Variants in RTTN observed in about 807,000 individuals in gnomAD.
RTTN encodes rotatin.
A neutral mutation model predicts 269.2 loss-of-function variants in RTTN; 182 were observed. The observed-to-expected ratio is 0.68, with a 90% CI of 0.60 to 0.76. The LOEUF is 0.76. RTTN is among the 30% of genes least tolerant of loss of function. The pLI is 0.00. For synonymous variants in RTTN, 1,006 were observed against 963.5 expected (o/e 1.04, Z -0.82); for missense variants, 2,545 against 2,608.6 (o/e 0.98, Z 0.53).
chr18:70,005,428 A>AAT (rs2056154339), intron 47 of RTTN, 161 bp from the exon 48 acceptor site: 7 of 478,910 alleles, frequency 1.5e-5, no homozygotes, highest in Non-Finnish European at 2.6e-5. Flanking sequence ...CTATTGAGCC[A>AAT]ATCCCCTTGC....
At chr18:70,040,923 A>G (rs1223528801) in intron 40 of RTTN, among the ~76,000 whole-genome samples, 1 of 152,242 alleles carries the variant, frequency 6.6e-6, no homozygotes, top group Non-Finnish European at 1.5e-5. Context: ...ATTTCTTGAA[A>G]CAAATGATAA....
chr18:70,053,152 A>G (rs1225659471), intron 38 of RTTN: 1 of 152,236 alleles, frequency 6.6e-6, no homozygotes, highest in South Asian at 2.1e-4. Flanking sequence ...CATCTTGTGT[A>G]TCTTCCATGA....
chr18:70,147,982 G>A (rs956200050), intron 17 of RTTN, among the ~76,000 whole-genome samples: 1 of 151,990 alleles, frequency 6.6e-6, no homozygotes, highest in Non-Finnish European at 1.5e-5. Context: ...CTTCTTCCTG[G>A]ATCACCCATA....
intron 16 of RTTN, 46 bp from the exon 17 acceptor site, chr18:70,149,083 A>G (rs1172788269): frequency 3.9e-6 from 6 of 1,543,692 alleles, no homozygotes; most frequent in Non-Finnish European, 5.3e-6. Flanking sequence ...AATTGTATAC[A>G]TAACTTTTCA....
rs528179205 is a variant in RTTN, at chr18:70,140,055, T to A, written c.2670+45A>T. The stretch of plus-strand genomic sequence containing the variant: ...TCAGTTCAATTTCAGATCTGATTAA[T>A]CAAAACAGCCTGTAAAACAATGTCT... On this transcript the variant is annotated intron_variant, in intron 20 of 48. Transcript: ENST00000640769. The A allele has an allele frequency of 7.7e-6, 10 of 1,304,370 alleles. No homozygotes were observed. In the African/African-American group the frequency reaches 1.5e-4, roughly 19 times the overall value. 80.8% of individuals were successfully genotyped at this position (1,304,370 alleles called of 1,614,324 possible). A position where few individuals can be genotyped will look rare whatever the true frequency, so the allele number is the denominator to read the frequency against.
chr18:70,114,626 T>C, intron 26 of RTTN, 27 bp from the exon 27 acceptor site: 1 of 1,600,380 alleles, frequency 6.2e-7, no homozygotes, highest in Non-Finnish European at 8.5e-7. Flanking sequence ...GTAAAAAATG[T>C]ATTTACTAAT....
chr18:70,141,598 G>C (rs2060258305), intron 19 of RTTN, among the ~76,000 whole-genome samples: 1 of 152,004 alleles, frequency 6.6e-6, no homozygotes, highest in African/African-American at 2.4e-5. Context: ...ACAGGGCGGG[G>C]AACATCACAC....
intron 40 of RTTN, among the ~76,000 whole-genome samples, chr18:70,034,202 A>T (rs1267609081): frequency 1.3e-5 from 2 of 152,218 alleles, no homozygotes; most frequent in Non-Finnish European, 1.5e-5. Flanking sequence ...TCCTCAATTC[A>T]TTCTATGAGG....
chr18:70,153,196 A>G (rs2060584356), intron 14 of RTTN, among the ~76,000 whole-genome samples: 1 of 152,054 alleles, frequency 6.6e-6, no homozygotes, highest in African/African-American at 2.4e-5. Flanking sequence ...TATTTTATTT[A>G]AAACACTATA....
intron 23 of RTTN, among the ~76,000 whole-genome samples, chr18:70,133,617 G>C (rs202140611): frequency 1.3e-5 from 2 of 151,948 alleles, no homozygotes; most frequent in Non-Finnish European, 2.9e-5. Context: ...TGAGCAAAAA[G>C]CAATATAATA....
At chr18:70,125,782 T>C (rs2059849221) in intron 25 of RTTN, among the ~76,000 whole-genome samples, 1 of 152,040 alleles carries the variant, frequency 6.6e-6, no homozygotes, top group Non-Finnish European at 1.5e-5. Context: ...AAAAAGATAA[T>C]GTTCCTTTCT....
intron 18 of RTTN, 107 bp downstream of exon 18, chr18:70,145,505 T>C: frequency 1.3e-6 from 1 of 777,936 alleles, no homozygotes; most frequent in South Asian, 2.4e-5. Flanking sequence ...TCCCCATACT[T>C]CTCTCCCTCC....
intron 32 of RTTN, among the ~76,000 whole-genome samples, chr18:70,083,661 G>A (rs1300514777): frequency 2.0e-5 from 3 of 151,964 alleles, no homozygotes; most frequent in Non-Finnish European, 2.9e-5. Context: ...TATCTTGTCC[G>A]AGAAAAGATT....
rs1392379439 is a variant in RTTN, at chr18:70,166,783, C to G, written c.1802+136G>C. ...AGCTGTACATATACCCTTTAAAAAT[C>G]AGACACATATAAAAGCAATTAAACT... On this transcript the variant is annotated intron_variant, in intron 13 of 48. Transcript: ENST00000640769. 4.9e-6 allele frequency: 3 copies of G among 606,240 alleles called. No individual in the cohort carries two copies. The African/African-American group carries it at 5.6e-5, about 11-fold the overall frequency. 37.6% of individuals were successfully genotyped at this position (606,240 alleles called of 1,614,324 possible).
chr18:70,048,111 G>A lies in RTTN; in HGVS notation c.5401C>T (p.Leu1801Phe). 5 of 1,614,106 alleles carry A rather than the reference G, an allele frequency of 3.1e-6. No homozygotes were observed. The highest frequency in any genetic ancestry group is 3.4e-6 in the Non-Finnish European group (4 of 1,179,978). ...YTASLQFLSV[L>F]LTEEAKGHLQ... ...TGCCCTTTTGCTTCTTCGGTCAAGAGAACAGAAAGGAATTGCAAGCTGGCA... is the reference window on the plus strand; with the variant it reads ...TGCCCTTTTGCTTCTTCGGTCAAGAAAACAGAAAGGAATTGCAAGCTGGCA... The change falls in exon 40 of 49, where the codon CTC (leucine) becomes TTC (phenylalanine). Residue 1801 changes from leucine (L) to phenylalanine (F), a missense_variant. Coordinates refer to ENST00000640769, the MANE Select transcript of RTTN (RefSeq NM_173630.4).
At chr18:70,172,100 A>C (rs2061158273) in intron 11 of RTTN, among the ~76,000 whole-genome samples, 1 of 152,204 alleles carries the variant, frequency 6.6e-6, no homozygotes, top group Non-Finnish European at 1.5e-5. Context: ...CTTACTTCCC[A>C]GATGTTTCCC....
At chr18:70,119,765 C>T (rs934415685) in intron 26 of RTTN, among the ~76,000 whole-genome samples, 2 of 152,138 alleles carry the variant, frequency 1.3e-5, no homozygotes, top group African/African-American at 4.8e-5. Flanking sequence ...TACATGGTTT[C>T]CATTTTTGTT....
At chr18:70,063,790 T>C (rs1333054629) in intron 35 of RTTN, among the ~76,000 whole-genome samples, 1 of 152,072 alleles carries the variant, frequency 6.6e-6, no homozygotes, top group Non-Finnish European at 1.5e-5. Context: ...TTTTTTCAAT[T>C]TTCTTGCTAA....
chr18:70,124,844 G>A (rs2059823918), intron 25 of RTTN, among the ~76,000 whole-genome samples: 2 of 152,026 alleles, frequency 1.3e-5, no homozygotes, highest in Non-Finnish European at 1.5e-5. Flanking sequence ...TCGCTAGTCA[G>A]TCTACAGTCT....
Sources: allele counts gnomAD v4.1 joint callset (sites outside exome capture counted in the v4.1 genomes callset), GRCh38; gene constraint gnomAD v4.1.1; transcripts MANE v1.5; gene names NCBI Gene and HGNC (gene_info 2026-07-23, HGNC 2026-07-21).